Variants in MOV10 observed in about 807,000 individuals in gnomAD.
MOV10 encodes Mov10 RNA helicase, also known as RNA helicase MOV-10.
A neutral mutation model predicts 108.4 loss-of-function variants in MOV10; 39 were observed. The observed-to-expected ratio is 0.36, with a 90% CI of 0.28 to 0.47. MOV10 has a LOEUF of 0.47. MOV10 is among the 20% of genes least tolerant of loss of function. The pLI is 1.00. For synonymous variants in MOV10, 490 were observed against 523.1 expected (o/e 0.94, Z 0.86); for missense variants, 952 against 1,297.6 (o/e 0.73, Z 4.09).
chr1:112,699,426 G>C (rs1425135389), intron 17 of MOV10: 4 of 1,305,554 alleles, frequency 3.1e-6, no homozygotes, highest in Non-Finnish European at 3.9e-6. Flanking sequence ...CTGAGTTCCC[G>C]TGTTCTTTGC....
Position 112,698,765 on chromosome 1 carries a change from A to C in MOV10, c.2559A>C (p.Gly853=). 6.2e-7 allele frequency: 1 copy of C among 1,614,132 alleles called. No individual in the cohort carries two copies. Among genetic ancestry groups the C allele is most frequent in the Middle Eastern group, 1.6e-4 (1 of 6,062 alleles). Residue 853 remains glycine (G), a synonymous_variant, in exon 17 of 21, where the codon GGA becomes GGC. Transcript: ENST00000369645. ...CITKLDRELR[G]LDDIKDLKVG... ...CCAAACTTGACAGGGAGCTTCGAGG[A>C]CTGGATGACATCAAGGACTTGAAGG...
At chr1:112,689,393 C>CA in intron 3 of MOV10, 22 bp from the exon 4 acceptor site, 1 of 1,466,970 alleles carries the variant, frequency 6.8e-7, no homozygotes, top group Non-Finnish European at 9.6e-7. Context: ...CCCAACCCCC[C>CA]CTTGACTCCC....
Position 112,698,730 on chromosome 1 carries a change from T to C in MOV10, c.2524T>C (p.Tyr842His). 1 of 1,614,160 alleles carries C rather than the reference T, an allele frequency of 6.2e-7. No homozygotes were observed. Among genetic ancestry groups the C allele is most frequent in the Non-Finnish European group, 8.5e-7 (1 of 1,179,992 alleles). The change falls in exon 17 of 21, where the codon TAC (tyrosine) becomes CAC (histidine). Residue 842 changes from tyrosine to histidine, a missense_variant. This residue lies in a region of MOV10 where 453 missense variants were observed against 611.5 expected (regional missense o/e 0.74). Transcript: ENST00000369645. Reference protein sequence around the residue: ...PYRKQVEKIRYCITKLDRELR... With the variant: ...PYRKQVEKIRHCITKLDRELR... ...CTCCTTCCAGGTGGAGAAAATCCGT[T>C]ACTGCATCACCAAACTTGACAGGGA...
Position 112,694,054 on chromosome 1 carries a change from C to A in MOV10, c.1177C>A (p.Arg393=). 1.2e-6 allele frequency: 2 copies of A among 1,613,952 alleles called. No individual in the cohort carries two copies. The highest frequency in any genetic ancestry group is 1.7e-6 in the Non-Finnish European group (2 of 1,179,920). The change falls in exon 8 of 21, where the codon CGG becomes AGG. Residue 393 remains arginine, a synonymous_variant. Coordinates refer to ENST00000369645, the MANE Select transcript of MOV10 (RefSeq NM_001321324.2). The surrounding 1 kb of genome is among the most constrained non-coding windows in gnomAD (Gnocchi z 4.1). Reference sequence around the variant, plus strand: ...GACTGAGAGCCGCCCCTCAGTGCTACGGGGCGACCACCTGTTTGCCCTTTT... The same window carrying A: ...GACTGAGAGCCGCCCCTCAGTGCTAAGGGGCGACCACCTGTTTGCCCTTTT... The part of the protein sequence containing the change: ...GVTESRPSVL[R]GDHLFALLSS...
Position 112,696,476 on chromosome 1 carries a change from C to A in MOV10, c.1923C>A (p.His641Gln). 1 of 1,614,174 alleles carries A rather than the reference C, an allele frequency of 6.2e-7. No homozygotes were observed. Among genetic ancestry groups the A allele is most frequent in the East Asian group, 2.2e-5 (1 of 44,884 alleles). The stretch of plus-strand genomic sequence containing the variant: ...AGTTTCCCATTGATCACTTCACACA[C>A]ATCTTCATCGATGAGGCTGGCCACT... ...SAQFPIDHFT[H>Q]IFIDEAGHCM... The change falls in exon 13 of 21, where the codon CAC (histidine) becomes CAA (glutamine). Residue 641 changes from histidine to glutamine, a missense_variant. Coordinates refer to ENST00000369645, the MANE Select transcript of MOV10 (RefSeq NM_001321324.2).
At position 112,700,541 on chromosome 1, in the gene MOV10, G is replaced by A. The variant is rs1333653932; in HGVS notation, c.*34G>A. 3 of 1,608,626 alleles carry A rather than the reference G, an allele frequency of 1.9e-6. No individual in the cohort carries two copies. Among genetic ancestry groups the A allele is most frequent in the Non-Finnish European group, 2.5e-6 (3 of 1,177,194 alleles). On this transcript the variant is annotated 3_prime_UTR_variant, in exon 21 of 21. Coordinates refer to ENST00000369645, the MANE Select transcript of MOV10 (RefSeq NM_001321324.2). The stretch of plus-strand genomic sequence containing the variant: ...CACCCAGCCTTCTCGCACCAGCCAA[G>A]CCTTAACTGCCTGCCTGACCCTGAA...
At position 112,689,442 on chromosome 1, in the gene MOV10, T is replaced by C. The variant is rs1256034025; in HGVS notation, c.369T>C (p.Gly123=). 7.3e-7 allele frequency: 1 copy of C among 1,362,910 alleles called. No homozygotes were observed. The highest frequency in any genetic ancestry group is 1.9e-5 in the Admixed American group (1 of 51,350). 84.4% of individuals were successfully genotyped at this position (1,362,910 alleles called of 1,614,324 possible). ...DRAEYLHGKH[G]VDVEVQGPHE... is the part of the protein sequence containing the mutation. ...CTGAGTATCTTCATGGGAAACATGG[T>C]GTGGATGTGGAAGTCCAGGGGCCCC... Residue 123 remains glycine, a synonymous_variant, in exon 4 of 21, where the codon GGT becomes GGC. Coordinates refer to ENST00000369645, the MANE Select transcript of MOV10 (RefSeq NM_001321324.2).
rs1240524116 is a variant in MOV10, at chr1:112,675,793, G to GT, written c.137+747dup. ...CCACAGAATTGTGCTTCAAAAACAC[G>GT]TTTATCAACAGGCTGCTGCCTTGCG... On this transcript the variant is annotated intron_variant, in intron 2 of 20. Coordinates refer to ENST00000369645, the MANE Select transcript of MOV10 (RefSeq NM_001321324.2). The surrounding 1 kb of genome is among the most constrained non-coding windows in gnomAD (Gnocchi z 4.7). Among the ~76,000 whole-genome samples the GT allele has an allele frequency of 1.1e-4, 16 of 152,296 alleles. No homozygotes were observed. The Middle Eastern group carries it at 0.01, about 97-fold the overall frequency.
rs139551626 is a variant in MOV10, at chr1:112,676,885, A to T, written c.137+1836A>T. Among the ~76,000 whole-genome samples the T allele has an allele frequency of 4.7e-3, 723 of 152,334 alleles. 1 individual carries two copies. Among genetic ancestry groups the T allele is most frequent in the African/African-American group, 0.017 (691 of 41,560 alleles). On this transcript the variant is annotated intron_variant, in intron 2 of 20. Coordinates refer to ENST00000369645, the MANE Select transcript of MOV10 (RefSeq NM_001321324.2). ...CTCAGGGGAGTCTAACAAAAGTTTG[A>T]TCAAGGAGAGTCTTTGTCAGCTCTA...
At chr1:112,690,647 A>G (rs1407662184) in intron 5 of MOV10, among the ~76,000 whole-genome samples, 2 of 152,200 alleles carry the variant, frequency 1.3e-5, no homozygotes, top group African/African-American at 2.4e-5. Flanking sequence ...GGGGCGAGCC[A>G]CCGTGCCCAG....
At chr1:112,684,600 A>G (rs544075003) in intron 2 of MOV10, among the ~76,000 whole-genome samples, 2 of 152,262 alleles carry the variant, frequency 1.3e-5, no homozygotes, top group South Asian at 2.1e-4. Flanking sequence ...CCTGTATTTT[A>G]AATATTTGTA....
intron 5 of MOV10, among the ~76,000 whole-genome samples, chr1:112,691,285 GA>G (rs1387065146): frequency 6.6e-6 from 1 of 151,378 alleles, no homozygotes; most frequent in Non-Finnish European, 1.5e-5. Context: ...ACTCAAAAAA[GA>G]AAAAAAAGCA....
chr1:112,675,097 G>GC lies in MOV10; in HGVS notation c.137+50dup, dbSNP rs767930478. 1.9e-6 allele frequency: 3 copies of GC among 1,565,978 alleles called. No individual in the cohort carries two copies. Among genetic ancestry groups the GC allele is most frequent in the East Asian group, 5.1e-5 (2 of 39,280 alleles). ...CCCCGAATCGCGGGCCCAGCTTGCT[G>GC]CCACGACCCCCGCGCGAGGGCCACC... On this transcript the variant is annotated intron_variant, in intron 2 of 20. Transcript: ENST00000369645. This position sits in a 1 kb window ranked among gnomAD's most constrained non-coding sequence, Gnocchi z 4.7.
At position 112,698,734 on chromosome 1, in the gene MOV10, G is replaced by A; in HGVS notation, c.2528G>A (p.Cys843Tyr). 1 of 1,614,136 alleles carries A rather than the reference G, an allele frequency of 6.2e-7. No homozygotes were observed. The highest frequency in any genetic ancestry group is 1.6e-4 in the Middle Eastern group (1 of 6,062). The change falls in exon 17 of 21, where the codon TGC (cysteine) becomes TAC (tyrosine). Residue 843 changes from cysteine to tyrosine, a missense_variant. Physicochemically the swap from Cys to Tyr is radical, Grantham distance 194. Around this residue, in one of 5 missense-constraint regions of MOV10, gnomAD observed 453 missense variants for 611.5 expected, o/e 0.74. Transcript: ENST00000369645. ...TTCCAGGTGGAGAAAATCCGTTACT[G>A]CATCACCAAACTTGACAGGGAGCTT... ...YRKQVEKIRYCITKLDRELRG... is the reference protein window; with the variant it reads ...YRKQVEKIRYYITKLDRELRG...
rs1227922208 is a variant in MOV10, at chr1:112,692,927, G to A, written c.1138G>A (p.Glu380Lys). The A allele has an allele frequency of 1.1e-5, 18 of 1,607,354 alleles. No homozygotes were observed. The highest frequency in any genetic ancestry group is 1.4e-5 in the Non-Finnish European group (16 of 1,177,312). The stretch of plus-strand genomic sequence containing the variant: ...CCAGAACCCCAGGCTGCTCACGCTG[G>A]AGGTCAGGGCTCAGATTGAGTGTGA... ...VDQNPRLLTL[E>K]VPGVTESRPS... Residue 380 changes from glutamate (E) to lysine (K), a missense_variant and splice_region_variant, in exon 7 of 21, where the codon GAG (glutamate) becomes AAG (lysine). Coordinates refer to ENST00000369645, the MANE Select transcript of MOV10 (RefSeq NM_001321324.2).
At chr1:112,696,095 G>C in intron 11 of MOV10, 53 bp from the exon 12 acceptor site, 2 of 1,219,834 alleles carry the variant, frequency 1.6e-6, no homozygotes, top group East Asian at 2.4e-5. Flanking sequence ...CCAGAATCAC[G>C]GTGGGAATGA....
In MOV10 at chr1:112,694,951, A is replaced by C. The variant is rs1285330797; in HGVS notation, c.1620+55A>C. 2.6e-6 allele frequency: 4 copies of C among 1,549,240 alleles called. No individual in the cohort carries two copies. Among genetic ancestry groups the C allele is most frequent in the East Asian group, 2.3e-5 (1 of 43,924 alleles). ...CACTCTGATTCCCCCAGCACCAAGC[A>C]GTTGTCCCCAGATTCTAGTTCCTTC... On this transcript the variant is annotated intron_variant, in intron 10 of 20. Coordinates refer to ENST00000369645, the MANE Select transcript of MOV10 (RefSeq NM_001321324.2). This position sits in a 1 kb window ranked among gnomAD's most constrained non-coding sequence, Gnocchi z 4.1.
intron 11 of MOV10, among the ~76,000 whole-genome samples, chr1:112,695,894 C>T (rs1026233534): frequency 6.6e-6 from 1 of 152,088 alleles, no homozygotes; most frequent in Non-Finnish European, 1.5e-5. Context: ...ACAAAAAAAT[C>T]AGCTGAGTAT....
At chr1:112,700,191 T>G (rs771926740) in intron 19 of MOV10, 28 bp from the exon 20 acceptor site, 2 of 1,613,794 alleles carry the variant, frequency 1.2e-6, no homozygotes, top group South Asian at 1.1e-5. Context: ...GCCTCCAGTC[T>G]CTGCTGGCAC....
Sources: allele counts gnomAD v4.1 joint callset (sites outside exome capture counted in the v4.1 genomes callset), GRCh38; gene constraint gnomAD v4.1.1; regional missense constraint gnomAD v4.1.1; non-coding constraint Gnocchi (gnomAD v3.1); transcripts MANE v1.5; gene names NCBI Gene and HGNC (gene_info 2026-07-23, HGNC 2026-07-21).